The following PIK3CA variants were observed in gnomAD, a reference collection of about 807,000 sequenced individuals.
The protein encoded by PIK3CA is phosphatidylinositol 4,5-bisphosphate 3-kinase catalytic subunit alpha isoform.
PIK3CA carries 27 observed loss-of-function variants against 138.2 expected under a neutral mutation model. The ratio of observed to expected loss-of-function variants is 0.20; its 90% CI spans 0.14 to 0.27. The LOEUF is 0.27. Ranked by LOEUF, PIK3CA falls within the 10% of genes least tolerant of loss-of-function variation. The pLI, the probability that PIK3CA is intolerant of heterozygous loss-of-function variation, is 1.00. For synonymous variants in PIK3CA, 358 were observed against 413.2 expected (o/e 0.87, Z 1.62); for missense variants, 544 against 1,277.4 (o/e 0.43, Z 8.75).
Position 179,236,476 on chromosome 3 carries a change from T to C in PIK3CA, c.*2112T>C, listed in dbSNP as rs1339798781. ...CCTTTTCAATATCAGGGTTAAATTA[T>C]AGGAAAACTCAGTAAAATGGTACAA... is the stretch of plus-strand genomic sequence containing the variant. On this transcript the variant is annotated 3_prime_UTR_variant, in exon 21 of 21. Transcript: ENST00000263967. 2 of 218,252 alleles carry C rather than the reference T, an allele frequency of 9.2e-6. No individual in the cohort carries two copies. Among genetic ancestry groups the C allele is most frequent in the South Asian group, 1.8e-4 (1 of 5,488 alleles). The allele number at this position is 218,252 out of a possible 1,614,324, so 13.5% of individuals were successfully genotyped here. A position where few individuals can be genotyped will look rare whatever the true frequency, so the allele number is the denominator to read the frequency against.
chr3:179,168,172 G>A (rs1723465107), intron 1 of PIK3CA, among the ~76,000 whole-genome samples: 2 of 152,220 alleles, frequency 1.3e-5, no homozygotes, highest in South Asian at 4.1e-4. Flanking sequence ...CCTTTGGTTG[G>A]CTAGAGTAAT....
At chr3:179,204,638 C>A in intron 6 of PIK3CA, 50 bp downstream of exon 6, 1 of 894,170 alleles carries the variant, frequency 1.1e-6, no homozygotes, top group Non-Finnish European at 1.8e-6. Context: ...TAGTGTTTAG[C>A]AGTATGATCC....
At chr3:179,228,076 C>T (rs891646312) in intron 17 of PIK3CA, among the ~76,000 whole-genome samples, 1 of 151,950 alleles carries the variant, frequency 6.6e-6, no homozygotes, top group African/African-American at 2.4e-5. Context: ...ACAATATGTG[C>T]CTGTCTCTTT....
chr3:179,173,404 CA>C (rs749831764), intron 1 of PIK3CA, among the ~76,000 whole-genome samples: 5,433 of 43,142 alleles, frequency 0.13, 95 homozygotes, highest in East Asian at 0.19. Flanking sequence ...GCTAAAAATA[CA>C]AAAAAAAAAA....
chr3:179,195,246 C>T (rs1724237181), intron 1 of PIK3CA, among the ~76,000 whole-genome samples: 1 of 149,722 alleles, frequency 6.7e-6, no homozygotes, highest in African/African-American at 2.5e-5. Context: ...TCCTTATTTA[C>T]TTGCCTTCTC....
At chr3:179,150,006 G>C (rs1344615313) in intron 1 of PIK3CA, among the ~76,000 whole-genome samples, 1 of 148,042 alleles carries the variant, frequency 6.8e-6, no homozygotes, top group Non-Finnish European at 1.5e-5. Context: ...CAGGTTTTAA[G>C]TTTTTGGTGT....
At chr3:179,172,239 T>C (rs1448878411) in intron 1 of PIK3CA, among the ~76,000 whole-genome samples, 1 of 152,062 alleles carries the variant, frequency 6.6e-6, no homozygotes, top group Non-Finnish European at 1.5e-5. Flanking sequence ...GGCAACTTCC[T>C]CAACCTGATA....
chr3:179,167,597 C>G (rs1278525904), intron 1 of PIK3CA, among the ~76,000 whole-genome samples: 1 of 152,224 alleles, frequency 6.6e-6, no homozygotes, highest in African/African-American at 2.4e-5. Flanking sequence ...AATCCTCTTT[C>G]TTTTTAACTA....
intron 1 of PIK3CA, among the ~76,000 whole-genome samples, chr3:179,148,967 A>G (rs1424994908): frequency 6.6e-6 from 1 of 151,966 alleles, no homozygotes; most frequent in African/African-American, 2.4e-5. Flanking sequence ...ACGCCCACCC[A>G]GCCCGCGGGT....
At chr3:179,170,059 CGT>C (rs1333646989) in intron 1 of PIK3CA, among the ~76,000 whole-genome samples, 2 of 97,316 alleles carry the variant, frequency 2.1e-5, no homozygotes, top group African/African-American at 4.8e-5. Context: ...TGCACATGCG[CGT>C]GCACACGCGC....
chr3:179,203,079 T>C (rs186152909), intron 4 of PIK3CA, among the ~76,000 whole-genome samples: 2,393 of 150,924 alleles, frequency 0.016, 92 homozygotes, highest in South Asian at 0.13. Context: ...TAGCTGGGAC[T>C]ACAGGCGCCC....
At chr3:179,222,210 C>T (rs961739680) in intron 14 of PIK3CA, among the ~76,000 whole-genome samples, 1 of 151,318 alleles carries the variant, frequency 6.6e-6, no homozygotes, top group Admixed American at 6.6e-5. Context: ...TGAATTTTTC[C>T]AGCATCTTCA....
chr3:179,179,316 T>G (rs956888308), intron 1 of PIK3CA, among the ~76,000 whole-genome samples: 1 of 152,234 alleles, frequency 6.6e-6, no homozygotes, highest in African/African-American at 2.4e-5. Context: ...TAACCACTAA[T>G]ACATTAAAAC....
chr3:179,184,006 A>G (rs1723912813), intron 1 of PIK3CA, among the ~76,000 whole-genome samples: 1 of 152,212 alleles, frequency 6.6e-6, no homozygotes, highest in Non-Finnish European at 1.5e-5. Context: ...TTGGTAGAAG[A>G]TTATTGGCTA....
chr3:179,209,918 A>T (rs1724664880), intron 7 of PIK3CA, among the ~76,000 whole-genome samples: 1 of 152,180 alleles, frequency 6.6e-6, no homozygotes, highest in South Asian at 2.1e-4. Flanking sequence ...TACCATTTTT[A>T]AAAATGCAAA....
At chr3:179,192,624 GA>G (rs1289247460) in intron 1 of PIK3CA, among the ~76,000 whole-genome samples, 1 of 152,222 alleles carries the variant, frequency 6.6e-6, no homozygotes, top group East Asian at 1.9e-4. Flanking sequence ...CAAGATGCCA[GA>G]TAGTAATATT....
chr3:179,177,962 A>G (rs1723740726), intron 1 of PIK3CA, among the ~76,000 whole-genome samples: 1 of 151,884 alleles, frequency 6.6e-6, no homozygotes, highest in Admixed American at 6.6e-5. Context: ...TCTGAAGGCC[A>G]GGTGTGGTGG....
chr3:179,187,556 A>AAG (rs1253674195), intron 1 of PIK3CA, among the ~76,000 whole-genome samples: 8 of 150,414 alleles, frequency 5.3e-5, no homozygotes, highest in East Asian at 3.9e-4. Flanking sequence ...AAAAAAAAAA[A>AAG]AGAGAGAAAC....
intron 6 of PIK3CA, among the ~76,000 whole-genome samples, chr3:179,208,081 A>G (rs1265873898): frequency 1.3e-5 from 2 of 151,972 alleles, no homozygotes; most frequent in Non-Finnish European, 2.9e-5. Flanking sequence ...AATAATAATA[A>G]CATTTGTTTT....
Sources: allele counts gnomAD v4.1 joint callset (sites outside exome capture counted in the v4.1 genomes callset), GRCh38; gene constraint gnomAD v4.1.1; transcripts MANE v1.5; gene names NCBI Gene and HGNC (gene_info 2026-07-23, HGNC 2026-07-21).